PLA2G4A: variants seen among roughly 807,000 people sequenced by gnomAD.
The protein encoded by PLA2G4A is phospholipase A2 group IVA, also known as cytosolic phospholipase A2.
In PLA2G4A, 40 loss-of-function variants were observed where a neutral mutation model predicts 81.9. That is an observed-to-expected ratio of 0.49 (90% CI 0.38 to 0.64). The LOEUF is 0.64. Among genes scored for constraint, PLA2G4A ranks in the 30% least tolerant of loss-of-function variants. PLA2G4A has a pLI of 0.00. For synonymous variants in PLA2G4A, 302 were observed against 296.9 expected (o/e 1.02, Z -0.18); for missense variants, 715 against 905.1 (o/e 0.79, Z 2.69).
chr1:186,981,959 A>G (rs1657735316), intron 17 of PLA2G4A, among the ~76,000 whole-genome samples: 1 of 152,226 alleles, frequency 6.6e-6, no homozygotes, highest in African/African-American at 2.4e-5. Flanking sequence ...TCCTTGAATA[A>G]ATTGTGACTA....
At chr1:186,911,476 A>T in intron 7 of PLA2G4A, 87 bp downstream of exon 7, 1 of 960,766 alleles carries the variant, frequency 1.0e-6, no homozygotes, top group Non-Finnish European at 1.7e-6. Flanking sequence ...CAAATATGGC[A>T]ATATTGAGAT....
chr1:186,886,719 C>T (rs1253155186), intron 3 of PLA2G4A, among the ~76,000 whole-genome samples: 3 of 152,066 alleles, frequency 2.0e-5, no homozygotes, highest in Non-Finnish European at 4.4e-5. Context: ...TTTATTTTCT[C>T]GTGGCCATTT....
chr1:186,942,368 C>T (rs182503278), intron 10 of PLA2G4A, among the ~76,000 whole-genome samples: 3 of 152,102 alleles, frequency 2.0e-5, no homozygotes, highest in African/African-American at 7.2e-5. Context: ...GAAAGAATTA[C>T]ATGGTCAAAA....
intron 3 of PLA2G4A, among the ~76,000 whole-genome samples, chr1:186,877,996 A>C (rs1363509253): frequency 6.7e-6 from 1 of 149,920 alleles, no homozygotes; most frequent in Non-Finnish European, 1.5e-5. Context: ...GAATTTAATT[A>C]ATCTTTTTTA....
chr1:186,977,762 TCAA>T lies in PLA2G4A; in HGVS notation c.1936_1938del (p.Asn646del). On this transcript the variant is annotated inframe_deletion, in exon 16 of 18. Coordinates refer to ENST00000367466, the MANE Select transcript of PLA2G4A (RefSeq NM_024420.3). ...ATCATCCACTTTGTTCTGGCCAACA[TCAA>T]CTTCAGAAAGTACAGGGCTCCAGGT... The T allele has an allele frequency of 1.2e-6, 2 of 1,613,052 alleles. No homozygotes were observed. Among genetic ancestry groups the T allele is most frequent in the Non-Finnish European group, 1.7e-6 (2 of 1,179,038 alleles).
At chr1:186,882,994 G>GT (rs78286307) in intron 3 of PLA2G4A, among the ~76,000 whole-genome samples, 19,990 of 151,304 alleles carry the variant, frequency 0.13, 1,858 homozygotes, top group East Asian at 0.45. Flanking sequence ...TTTTATTTTA[G>GT]TTTTTTTTTG....
intron 5 of PLA2G4A, among the ~76,000 whole-genome samples, chr1:186,898,088 G>T (rs900852362): frequency 6.6e-6 from 1 of 151,980 alleles, no homozygotes; most frequent in Non-Finnish European, 1.5e-5. Flanking sequence ...TCACCCAAAA[G>T]CTTCCAATTC....
At chr1:186,966,570 A>C (rs1206510725) in intron 15 of PLA2G4A, among the ~76,000 whole-genome samples, 2 of 152,208 alleles carry the variant, frequency 1.3e-5, no homozygotes, top group African/African-American at 4.8e-5. Flanking sequence ...GGAGTCAGGC[A>C]TGTGGGGTAA....
intron 7 of PLA2G4A, among the ~76,000 whole-genome samples, chr1:186,923,275 T>C (rs1470843672): frequency 3.9e-5 from 6 of 152,242 alleles, no homozygotes; most frequent in African/African-American, 1.2e-4. Flanking sequence ...TCATATATTA[T>C]TCAGAAATTT....
chr1:186,916,993 A>C (rs1255703824), intron 7 of PLA2G4A, among the ~76,000 whole-genome samples: 1 of 152,084 alleles, frequency 6.6e-6, no homozygotes, highest in Non-Finnish European at 1.5e-5. Context: ...TCCTCCTCAG[A>C]GTCACTTTGC....
chr1:186,962,311 G>A (rs566687233), intron 14 of PLA2G4A, among the ~76,000 whole-genome samples: 3 of 151,948 alleles, frequency 2.0e-5, no homozygotes, highest in South Asian at 2.1e-4. Flanking sequence ...GCACAGTTTC[G>A]CACATCCACT....
intron 7 of PLA2G4A, among the ~76,000 whole-genome samples, chr1:186,923,362 A>G (rs1433915904): frequency 6.6e-6 from 1 of 152,228 alleles, no homozygotes; most frequent in Non-Finnish European, 1.5e-5. Context: ...CAATTCTACA[A>G]CATTTTTCTT....
intron 8 of PLA2G4A, among the ~76,000 whole-genome samples, chr1:186,934,002 C>T (rs144959580): frequency 2.1e-4 from 32 of 152,144 alleles, no homozygotes; most frequent in African/African-American, 7.0e-4. Context: ...CCATCATTGC[C>T]ATCTTCTCTA....
chr1:186,982,816 C>T (rs1211459177), intron 17 of PLA2G4A, among the ~76,000 whole-genome samples: 5 of 152,152 alleles, frequency 3.3e-5, no homozygotes, highest in South Asian at 2.1e-4. Flanking sequence ...CCGTGGTTCA[C>T]GCCTATAATC....
intron 1 of PLA2G4A, among the ~76,000 whole-genome samples, chr1:186,832,370 T>C (rs948434967): frequency 2.0e-5 from 3 of 152,150 alleles, no homozygotes; most frequent in Non-Finnish European, 2.9e-5. Context: ...TAAAATGTTG[T>C]CTTCTCAATT....
intron 3 of PLA2G4A, among the ~76,000 whole-genome samples, chr1:186,879,196 T>G (rs967008544): frequency 2.0e-5 from 3 of 151,858 alleles, no homozygotes; most frequent in African/African-American, 7.2e-5. Flanking sequence ...TGAAATAATT[T>G]AGATAAAATT....
intron 6 of PLA2G4A, among the ~76,000 whole-genome samples, chr1:186,909,849 T>C (rs983535581): frequency 1.6e-4 from 25 of 152,126 alleles, no homozygotes; most frequent in African/African-American, 6.0e-4. Flanking sequence ...AGTAGAATTA[T>C]TAGGCCAAAA....
At chr1:186,964,856 A>G (rs910351145) in intron 14 of PLA2G4A, among the ~76,000 whole-genome samples, 25 of 152,154 alleles carry the variant, frequency 1.6e-4, no homozygotes, top group African/African-American at 6.0e-4. Context: ...TGTTGGCTGG[A>G]TGATTTCCTT....
In PLA2G4A at chr1:186,855,610, A is replaced by G. The variant is rs1046350765; in HGVS notation, c.33+1223A>G. On this transcript the variant is annotated intron_variant, in intron 2 of 17. Coordinates refer to ENST00000367466, the MANE Select transcript of PLA2G4A (RefSeq NM_024420.3). ...CTATTATCATGGGTAAGTTCTGCTT[A>G]TTTTTGACCTTCATATACATTTCTG... Among the ~76,000 whole-genome samples the G allele has an allele frequency of 5.9e-5, 9 of 152,036 alleles. No individual in the cohort carries two copies. In the East Asian group the frequency reaches 7.7e-4, roughly 13 times the overall value.
Sources: gnomAD v4.1 joint callset for allele counts (sites outside exome capture counted in the v4.1 genomes callset) on GRCh38, gnomAD v4.1.1 for gene constraint, MANE v1.5 for transcripts, NCBI Gene and HGNC (gene_info 2026-07-23, HGNC 2026-07-21) for gene names.